Variants in SLC71A1 observed in about 807,000 individuals in gnomAD.
SLC71A1 encodes solute carrier family 71 member 1, also known as hippocampus abundant gene transcript 1.
chr1:100,063,899 G>C, the SLC71A1 span, among the ~76,000 whole-genome samples: 13 of 152,160 alleles, frequency 8.5e-5, no homozygotes, highest in African/African-American at 4.8e-5. Context: ...GAAATGACAT[G>C]AAACAACTGT....
the SLC71A1 span, among the ~76,000 whole-genome samples, chr1:100,067,648 T>C: frequency 2.6e-5 from 4 of 151,918 alleles, no homozygotes; most frequent in Admixed American, 2.6e-4. Context: ...TCCACCTCTA[T>C]AAAAAATAAA....
the SLC71A1 span, among the ~76,000 whole-genome samples, chr1:100,043,918 A>G: frequency 7.9e-5 from 12 of 152,212 alleles, no homozygotes; most frequent in African/African-American, 2.7e-4. Flanking sequence ...ATTCAATGGT[A>G]TATATACACC....
the SLC71A1 span, among the ~76,000 whole-genome samples, chr1:100,050,887 C>T: frequency 6.6e-6 from 1 of 151,872 alleles, no homozygotes; most frequent in Admixed American, 6.6e-5. Flanking sequence ...GGAGTTGAGA[C>T]CAGCCTGGGC....
the SLC71A1 span, among the ~76,000 whole-genome samples, chr1:100,073,023 A>C: frequency 6.6e-6 from 1 of 151,862 alleles, no homozygotes; most frequent in African/African-American, 2.4e-5. Flanking sequence ...CTTGCCCGCC[A>C]CCCCTATGCT....
the SLC71A1 span, among the ~76,000 whole-genome samples, chr1:100,041,520 A>C: frequency 6.6e-6 from 1 of 152,264 alleles, no homozygotes; most frequent in Non-Finnish European, 1.5e-5. Flanking sequence ...GTAACTAAAG[A>C]ATAAGTTCCA....
the SLC71A1 span, among the ~76,000 whole-genome samples, chr1:100,043,543 G>C: frequency 6.6e-6 from 1 of 152,124 alleles, no homozygotes; most frequent in Non-Finnish European, 1.5e-5. Context: ...TTCCATTCAA[G>C]TTTTACTTTA....
chr1:100,062,651 A>T, the SLC71A1 span, among the ~76,000 whole-genome samples: 2 of 152,194 alleles, frequency 1.3e-5, no homozygotes, highest in Admixed American at 1.3e-4. Context: ...CTTGTGATAA[A>T]TAAGGACTGA....
At chr1:100,071,967 G>A in the SLC71A1 span, among the ~76,000 whole-genome samples, 1 of 152,202 alleles carries the variant, frequency 6.6e-6, no homozygotes, top group Non-Finnish European at 1.5e-5. Flanking sequence ...CCGCAAAGGT[G>A]CAAGCAACCC....
the SLC71A1 span, among the ~76,000 whole-genome samples, chr1:100,067,595 G>A: frequency 6.6e-6 from 1 of 152,114 alleles, no homozygotes; most frequent in Admixed American, 6.5e-5. Context: ...AGGATCGCTT[G>A]AGCTCAGGAG....
the SLC71A1 span, among the ~76,000 whole-genome samples, chr1:100,062,556 T>C: frequency 6.6e-6 from 1 of 152,184 alleles, no homozygotes; most frequent in South Asian, 2.1e-4. Flanking sequence ...AGTAATAGAA[T>C]GACTACTATA....
chr1:100,057,995 T>G, the SLC71A1 span: 5 of 152,222 alleles, frequency 3.3e-5, no homozygotes, highest in African/African-American at 9.6e-5. Flanking sequence ...ACATATAGGC[T>G]GTAAAAATGG....
At chr1:100,066,167 A>G in the SLC71A1 span, among the ~76,000 whole-genome samples, 1 of 152,160 alleles carries the variant, frequency 6.6e-6, no homozygotes, top group Non-Finnish European at 1.5e-5. Context: ...TTTATCTGTG[A>G]TTTCATTCTT....
At chr1:100,059,901 C>T in the SLC71A1 span, 1 of 1,611,094 alleles carries the variant, frequency 6.2e-7, no homozygotes, top group Non-Finnish European at 8.5e-7. Flanking sequence ...TCCTTAGTGC[C>T]CCGCTTATTG....
chr1:100,076,489 A>T, the SLC71A1 span, among the ~76,000 whole-genome samples: 6 of 152,238 alleles, frequency 3.9e-5, no homozygotes, highest in African/African-American at 9.6e-5. Context: ...CACAATTCTA[A>T]GAACTTTATG....
chr1:100,063,745 G>A, the SLC71A1 span, among the ~76,000 whole-genome samples: 3 of 152,264 alleles, frequency 2.0e-5, no homozygotes, highest in Middle Eastern at 3.4e-3. Context: ...GCAGTGAGCC[G>A]TGATCGCACC....
chr1:100,073,543 G>A, the SLC71A1 span, among the ~76,000 whole-genome samples: 1 of 152,228 alleles, frequency 6.6e-6, no homozygotes, highest in South Asian at 2.1e-4. Context: ...GGCCTTCCCT[G>A]GATCCTGGTT....
chr1:100,079,146 A>G, the SLC71A1 span: 1 of 152,234 alleles, frequency 6.6e-6, no homozygotes. Flanking sequence ...GTGTTGTGCT[A>G]GACACCTTGT....
At chr1:100,057,851 A>T in the SLC71A1 span, 1 of 152,210 alleles carries the variant, frequency 6.6e-6, no homozygotes, top group East Asian at 1.9e-4. Flanking sequence ...CCACATTCCC[A>T]TTCTCTGTTG....
At chr1:100,045,765 A>G in the SLC71A1 span, among the ~76,000 whole-genome samples, 3 of 151,904 alleles carry the variant, frequency 2.0e-5, no homozygotes, top group East Asian at 1.9e-4. Flanking sequence ...GGCGACATAC[A>G]TAGTACAGTA....
Sources: gnomAD v4.1 joint callset for allele counts (sites outside exome capture counted in the v4.1 genomes callset) on GRCh38, gnomAD v4.1.1 for gene constraint, MANE v1.5 for transcripts, NCBI Gene and HGNC (gene_info 2026-07-23, HGNC 2026-07-21) for gene names.